Variants in MTIF3 observed in about 807,000 individuals in gnomAD.
MTIF3 encodes translation initiation factor IF-3, mitochondrial.
In MTIF3, 13 loss-of-function variants were observed where a neutral mutation model predicts 20.7. The observed-to-expected ratio is 0.63, with a 90% CI of 0.41 to 1.00. The LOEUF is 1.00. MTIF3 is among the 50% of genes least tolerant of loss of function. The pLI, the probability that MTIF3 is intolerant of heterozygous loss-of-function variation, is 0.00. For missense variants in MTIF3, 295 were observed against 324.5 expected (o/e 0.91, Z 0.70); for synonymous variants, 114 against 112.5 (o/e 1.01, Z -0.08).
At chr13:27,449,638 T>C (rs17752007) in intron 1 of MTIF3, among the ~76,000 whole-genome samples, 10,832 of 152,350 alleles carry the variant, frequency 0.071, 545 homozygotes, top group South Asian at 0.2. Context: ...TACAGTCCAG[T>C]TGACCTTTCC....
At position 27,444,692 on chromosome 13, in the gene MTIF3, A is replaced by G. The variant is rs7317284; in HGVS notation, c.-2+396T>C. On this transcript the variant is annotated intron_variant, in intron 2 of 4. Coordinates refer to ENST00000381120, the MANE Select transcript of MTIF3 (RefSeq NM_152912.5). ...TTTACCCCTCAACTATCTCCCCCCA[A>G]CCATCCAGGAATGCTTTCAAAGTAA... 8.0e-3 allele frequency among the ~76,000 whole-genome samples: 1,212 copies of G among 152,244 alleles called. 18 individuals are homozygous for G. Among genetic ancestry groups the G allele is most frequent in the African/African-American group, 0.027 (1,137 of 41,532 alleles).
chr13:27,443,656 T>C (rs1432316606), intron 2 of MTIF3, among the ~76,000 whole-genome samples: 2 of 152,230 alleles, frequency 1.3e-5, no homozygotes, highest in East Asian at 3.8e-4. Flanking sequence ...TGGCTATCTT[T>C]TTCCCTTAGT....
intron 4 of MTIF3, among the ~76,000 whole-genome samples, chr13:27,436,745 ATTTTTT>A (rs66903644): frequency 2.2e-5 from 2 of 90,192 alleles, no homozygotes; most frequent in Admixed American, 1.4e-4. Flanking sequence ...ATTTTCTACA[ATTTTTT>A]TTTTTTTTTT....
chr13:27,439,050 T>C lies in MTIF3; in HGVS notation c.460+939A>G, dbSNP rs535821502. Among the ~76,000 whole-genome samples, 22 of 152,302 alleles carry C rather than the reference T, an allele frequency of 1.4e-4. No homozygotes were observed. In the South Asian group the frequency reaches 4.6e-3, roughly 32 times the overall value. ...TTTTAGGAACTATGAAAAACAAACA[T>C]CTTTGCTTAATATCCAATTCCTGAC... On this transcript the variant is annotated intron_variant, in intron 3 of 4. Transcript: ENST00000381120.
At chr13:27,447,136 G>A (rs1260647279) in intron 1 of MTIF3, among the ~76,000 whole-genome samples, 1 of 134,374 alleles carries the variant, frequency 7.4e-6, no homozygotes, top group Non-Finnish European at 1.5e-5. Context: ...ATCACCTGGG[G>A]ATGCTTTTCA....
At chr13:27,446,441 G>C (rs1954184294) in intron 1 of MTIF3, among the ~76,000 whole-genome samples, 1 of 152,236 alleles carries the variant, frequency 6.6e-6, no homozygotes, top group East Asian at 1.9e-4. Context: ...TCTATCACTT[G>C]CTTTGAAACC....
chr13:27,444,599 T>A (rs1039219682), intron 2 of MTIF3, among the ~76,000 whole-genome samples: 3 of 152,198 alleles, frequency 2.0e-5, no homozygotes, highest in African/African-American at 7.2e-5. Flanking sequence ...ATTTAAAAAC[T>A]TTTTATTAGG....
chr13:27,448,388 T>C (rs1405467041), intron 1 of MTIF3, among the ~76,000 whole-genome samples: 1 of 152,232 alleles, frequency 6.6e-6, no homozygotes, highest in African/African-American at 2.4e-5. Flanking sequence ...AGAACTCTTT[T>C]ACACCTTCCA....
chr13:27,440,084 CT>C lies in MTIF3; in HGVS notation c.364del (p.Ser122AlafsTer10). On this transcript the variant is annotated frameshift_variant, in exon 3 of 5. Coordinates refer to ENST00000381120, the MANE Select transcript of MTIF3 (RefSeq NM_152912.5). LOFTEE classifies it high-confidence loss of function. ...GAGCTGATACTCTGCAGGTTCTGTG[CT>C]GGTGTTCCTTTGAACCAGTCGCAGG... Reference protein sequence around the residue: ...RDLRLVQRNTSTEPAEYQLMT... With the variant: ...RDLRLVQRNTXTEPAEYQLMT... 6.2e-7 allele frequency: 1 copy of C among 1,614,206 alleles called. No homozygotes were observed. Among genetic ancestry groups the C allele is most frequent in the Non-Finnish European group, 8.5e-7 (1 of 1,180,030 alleles).
At chr13:27,438,509 T>A (rs1335984408) in intron 3 of MTIF3, among the ~76,000 whole-genome samples, 77 of 123,546 alleles carry the variant, frequency 6.2e-4, no homozygotes, top group Non-Finnish European at 9.1e-4. Context: ...TTTTTTTTTT[T>A]AAACACAGGG....
intron 2 of MTIF3, among the ~76,000 whole-genome samples, chr13:27,444,292 G>A (rs561412519): frequency 3.3e-5 from 5 of 151,436 alleles, no homozygotes; most frequent in South Asian, 2.1e-4. Flanking sequence ...GCGACAGAGC[G>A]AGACTCTGTC....
intron 2 of MTIF3, among the ~76,000 whole-genome samples, chr13:27,441,889 C>T (rs956116948): frequency 1.1e-4 from 17 of 152,164 alleles, no homozygotes; most frequent in Non-Finnish European, 2.9e-5. Flanking sequence ...GGCTGTACAA[C>T]CCACTTATCT....
intron 4 of MTIF3, among the ~76,000 whole-genome samples, chr13:27,436,155 T>A (rs1233636433): frequency 2.0e-5 from 3 of 152,154 alleles, no homozygotes; most frequent in Non-Finnish European, 4.4e-5. Flanking sequence ...TGGCTCAGCA[T>A]TACCCTCTCC....
rs769370326 is a variant in MTIF3, at chr13:27,440,052, C to T, written c.397G>A (p.Gly133Arg). 3 of 1,614,212 alleles carry T rather than the reference C, an allele frequency of 1.9e-6. No individual in the cohort carries two copies. Among genetic ancestry groups the T allele is most frequent in the Non-Finnish European group, 8.5e-7 (1 of 1,180,036 alleles). The change falls in exon 3 of 5, where the codon GGA becomes AGA. Residue 133 changes from glycine to arginine, a missense_variant. Physicochemically the swap from Gly to Arg is moderately radical, Grantham distance 125. Transcript: ENST00000381120. Reference sequence around the variant, plus strand: ...TGCCGCTCCTGGAGGATCTGCAATCCTGTCATGAGCTGATACTCTGCAGGT... The same window carrying T: ...TGCCGCTCCTGGAGGATCTGCAATCTTGTCATGAGCTGATACTCTGCAGGT... Reference protein sequence around the residue: ...TEPAEYQLMTGLQILQERQRL... With the variant: ...TEPAEYQLMTRLQILQERQRL...
chr13:27,449,229 A>G (rs1230181927), intron 1 of MTIF3, among the ~76,000 whole-genome samples: 2 of 151,548 alleles, frequency 1.3e-5, no homozygotes, highest in Non-Finnish European at 2.9e-5. Context: ...CCTAAACCCC[A>G]CTCGAATCCA....
In MTIF3 at chr13:27,442,346, C is replaced by T. The variant is rs554618343; in HGVS notation, c.-1-1897G>A. 6.6e-5 allele frequency among the ~76,000 whole-genome samples: 10 copies of T among 152,284 alleles called. No homozygotes were observed. In the East Asian group the frequency reaches 1.5e-3, roughly 24 times the overall value. On this transcript the variant is annotated intron_variant, in intron 2 of 4. Transcript: ENST00000381120. ...TGCTATCATCCCACTCCCAAACCGC[C>T]GCGCCGCTCAACTGCATCACAGTAA...
At chr13:27,448,085 T>G (rs572122714) in intron 1 of MTIF3, among the ~76,000 whole-genome samples, 1 of 138,738 alleles carries the variant, frequency 7.2e-6, no homozygotes, top group East Asian at 2.1e-4. Context: ...TGATAAAATA[T>G]TTGCAGGGAA....
chr13:27,448,107 C>T, intron 1 of MTIF3, among the ~76,000 whole-genome samples: 1 of 113,102 alleles, frequency 8.8e-6, no homozygotes, highest in East Asian at 3.0e-4. Flanking sequence ...CTTCCTGGAA[C>T]ATGATTTAAA....
chr13:27,450,004 C>T (rs1255144529), intron 1 of MTIF3: 1 of 152,320 alleles, frequency 6.6e-6, no homozygotes, highest in Non-Finnish European at 1.5e-5. Flanking sequence ...GCAGCAAGAA[C>T]AACGCATTTG....
Sources: allele counts gnomAD v4.1 joint callset (sites outside exome capture counted in the v4.1 genomes callset), GRCh38; gene constraint gnomAD v4.1.1; transcripts MANE v1.5; gene names NCBI Gene and HGNC (gene_info 2026-07-23, HGNC 2026-07-21).